The following EBF1 variants were observed in gnomAD, a reference collection of about 807,000 sequenced individuals.
EBF1 encodes EBF transcription factor 1.
EBF1 carries 10 observed loss-of-function variants against 68.4 expected under a neutral mutation model. That is an observed-to-expected ratio of 0.15 (90% CI 0.09 to 0.25). The LOEUF is 0.25. Among genes scored for constraint, EBF1 ranks in the 10% least tolerant of loss-of-function variants. The pLI, the probability that EBF1 is intolerant of heterozygous loss-of-function variation, is 1.00. For synonymous variants in EBF1, 298 were observed against 299.8 expected (o/e 0.99, Z 0.06); for missense variants, 509 against 794.4 (o/e 0.64, Z 4.32).
Position 159,051,442 on chromosome 5 carries a change from C to G in EBF1, c.554+21954G>C, listed in dbSNP as rs1212074863. Reference sequence around the variant, plus strand: ...CCCCGCTCCCGCAGCCCCCCACCCCCCCACCCCGCCGCCCGGCGGCTGACG... The same window carrying G: ...CCCCGCTCCCGCAGCCCCCCACCCCGCCACCCCGCCGCCCGGCGGCTGACG... On this transcript the variant is annotated intron_variant, in intron 6 of 15. Coordinates refer to ENST00000313708, the MANE Select transcript of EBF1 (RefSeq NM_024007.5). Among the ~76,000 whole-genome samples the G allele has an allele frequency of 3.6e-3, 502 of 139,044 alleles. 4 individuals carry two copies. The highest frequency in any genetic ancestry group is 0.011 in the Middle Eastern group (3 of 268). The allele number at this position is 139,044 out of a possible 152,430, so 91.2% of individuals were successfully genotyped here. A position where few individuals can be genotyped will look rare whatever the true frequency, so the allele number is the denominator to read the frequency against.
At chr5:158,950,114 C>T (rs562105043) in intron 6 of EBF1, among the ~76,000 whole-genome samples, 32 of 152,282 alleles carry the variant, frequency 2.1e-4, no homozygotes, top group African/African-American at 7.2e-4. Flanking sequence ...GCTAAGGAGA[C>T]ATGGATTACC....
At chr5:159,056,346 C>G (rs1329772582) in intron 6 of EBF1, among the ~76,000 whole-genome samples, 2 of 152,138 alleles carry the variant, frequency 1.3e-5, no homozygotes, top group South Asian at 2.1e-4. Context: ...TCAAATAATT[C>G]AGAGGTGAAA....
intron 6 of EBF1, among the ~76,000 whole-genome samples, chr5:158,928,341 T>C (rs925441246): frequency 6.6e-6 from 1 of 152,194 alleles, no homozygotes; most frequent in African/African-American, 2.4e-5. Context: ...TCTCCCCTTT[T>C]TCAGAAATAT....
At chr5:158,968,177 A>G (rs771946036) in intron 6 of EBF1, among the ~76,000 whole-genome samples, 4 of 152,222 alleles carry the variant, frequency 2.6e-5, no homozygotes, top group Non-Finnish European at 4.4e-5. Context: ...AAGAAGAGTT[A>G]ATCAAGCATA....
intron 6 of EBF1, among the ~76,000 whole-genome samples, chr5:159,071,624 C>A (rs1174687607): frequency 6.6e-6 from 1 of 151,894 alleles, no homozygotes; most frequent in Non-Finnish European, 1.5e-5. Flanking sequence ...TCGCAACCCA[C>A]AGGAACAGGT....
At chr5:158,730,184 C>A (rs73816045) in intron 11 of EBF1, among the ~76,000 whole-genome samples, 5 of 152,102 alleles carry the variant, frequency 3.3e-5, no homozygotes, top group Non-Finnish European at 7.4e-5. Flanking sequence ...AGCTTTTTGC[C>A]GTCAGTAAAC....
chr5:158,835,837 T>C (rs1788656134), intron 7 of EBF1, among the ~76,000 whole-genome samples: 1 of 152,212 alleles, frequency 6.6e-6, no homozygotes, highest in Non-Finnish European at 1.5e-5. Flanking sequence ...CACATTTCCA[T>C]ATTCTTAATA....
intron 6 of EBF1, among the ~76,000 whole-genome samples, chr5:158,933,326 G>A (rs1215358818): frequency 6.6e-6 from 1 of 152,098 alleles, no homozygotes; most frequent in Non-Finnish European, 1.5e-5. Flanking sequence ...TTCTTATGAA[G>A]GATAACATAA....
At chr5:158,820,245 T>C (rs1239908426) in intron 8 of EBF1, among the ~76,000 whole-genome samples, 2 of 147,190 alleles carry the variant, frequency 1.4e-5, no homozygotes, top group South Asian at 2.2e-4. Context: ...CGTCTCACCA[T>C]GCGGTAGCTG....
At chr5:158,892,095 T>C (rs28534822) in intron 6 of EBF1, among the ~76,000 whole-genome samples, 3 of 151,260 alleles carry the variant, frequency 2.0e-5, no homozygotes, top group African/African-American at 4.9e-5. Context: ...CACACACACA[T>C]ACACATACAC....
chr5:158,941,664 G>A (rs1306579430), intron 6 of EBF1, among the ~76,000 whole-genome samples: 6 of 152,048 alleles, frequency 3.9e-5, no homozygotes, highest in Non-Finnish European at 8.8e-5. Flanking sequence ...GGTATAGTGG[G>A]GGTGTGATAG....
At chr5:159,092,756 C>T (rs1208580717) in intron 4 of EBF1, among the ~76,000 whole-genome samples, 1 of 152,124 alleles carries the variant, frequency 6.6e-6, no homozygotes, top group East Asian at 1.9e-4. Context: ...AAACAGGCAG[C>T]TAAGAAAAGA....
chr5:158,849,699 T>C (rs186290560), intron 6 of EBF1, among the ~76,000 whole-genome samples: 2 of 152,370 alleles, frequency 1.3e-5, no homozygotes, highest in African/African-American at 4.8e-5. Flanking sequence ...CTGCAAATAT[T>C]AATGGCAGTT....
intron 6 of EBF1, among the ~76,000 whole-genome samples, chr5:158,890,846 A>T (rs1252584696): frequency 6.6e-6 from 1 of 152,206 alleles, no homozygotes; most frequent in Admixed American, 6.5e-5. Context: ...TGATGGTATT[A>T]GTTCTACCTC....
chr5:159,036,023 C>T (rs936738694), intron 6 of EBF1, among the ~76,000 whole-genome samples: 2 of 152,146 alleles, frequency 1.3e-5, no homozygotes, highest in Non-Finnish European at 2.9e-5. Flanking sequence ...TATCACCTTG[C>T]CTTTCTCAGG....
At position 158,991,892 on chromosome 5, in the gene EBF1, CT is replaced by C. The variant is rs1188612339; in HGVS notation, c.554+81503del. 2.6e-5 allele frequency among the ~76,000 whole-genome samples: 4 copies of C among 152,202 alleles called. No homozygotes were observed. In the South Asian group the frequency reaches 6.2e-4, roughly 24 times the overall value. On this transcript the variant is annotated intron_variant, in intron 6 of 15. Transcript: ENST00000313708. Reference sequence around the variant, plus strand: ...CCCTCCCTGCCTGCCCATTTCACCCCTCTCCAATGTTTTTGCAACACATTTT... The same window carrying C: ...CCCTCCCTGCCTGCCCATTTCACCCCCTCCAATGTTTTTGCAACACATTTT...
intron 6 of EBF1, among the ~76,000 whole-genome samples, chr5:158,922,623 T>A (rs1009559111): frequency 1.3e-5 from 2 of 152,126 alleles, no homozygotes; most frequent in East Asian, 1.9e-4. Flanking sequence ...GAAAAGTAGA[T>A]TTACGGAAAG....
At chr5:158,927,678 C>T (rs376724400) in intron 6 of EBF1, among the ~76,000 whole-genome samples, 9 of 152,300 alleles carry the variant, frequency 5.9e-5, no homozygotes, top group East Asian at 5.8e-4. Context: ...GCCGTCTGCA[C>T]CCAATAGATA....
Position 158,699,124 on chromosome 5 carries a change from A to C in EBF1, c.1763T>G (p.Val588Gly), listed in dbSNP as rs1756219373. Reference protein sequence around the residue: ...NSLQAISGMIVPPM With the variant: ...NSLQAISGMIGPPM ...AAGGCAATTCTTTCACATAGGAGGA[A>C]CAATCATGCCAGATATCGCTATGAA... The change falls in exon 16 of 16, where the codon GTT becomes GGT. Residue 588 changes from valine (V) to glycine (G), a missense_variant. Val to Gly is a moderately radical substitution (Grantham distance 109, BLOSUM62 -3). Coordinates refer to ENST00000313708, the MANE Select transcript of EBF1 (RefSeq NM_024007.5). 1 of 1,609,670 alleles carries C rather than the reference A, an allele frequency of 6.2e-7. No homozygotes were observed. The highest frequency in any genetic ancestry group is 1.3e-5 in the African/African-American group (1 of 74,684).
Sources: allele counts gnomAD v4.1 joint callset (sites outside exome capture counted in the v4.1 genomes callset), GRCh38; gene constraint gnomAD v4.1.1; transcripts MANE v1.5; gene names NCBI Gene and HGNC (gene_info 2026-07-23, HGNC 2026-07-21).